Variants in MYRIP observed in about 807,000 individuals in gnomAD.
The protein encoded by MYRIP is rab effector MyRIP.
MYRIP carries 49 observed loss-of-function variants against 98.0 expected under a neutral mutation model. The ratio of observed to expected loss-of-function variants is 0.50; its 90% CI spans 0.40 to 0.63. The LOEUF is 0.63. MYRIP is among the 30% of genes least tolerant of loss of function. The pLI is 0.00. For missense variants in MYRIP, 1,004 were observed against 1,058.2 expected, an observed-to-expected ratio of 0.95 and a Z score of 0.71; for synonymous variants, 404 against 409.5, an observed-to-expected ratio of 0.99 and a Z score of 0.16.
intron 16 of MYRIP, among the ~76,000 whole-genome samples, chr3:40,255,696 G>C (rs1953564867): frequency 6.6e-6 from 1 of 152,158 alleles, no homozygotes; most frequent in African/African-American, 2.4e-5. Flanking sequence ...TTGGCAGATA[G>C]TAGAGCAACA....
At chr3:39,861,026 A>G (rs2125618108) in intron 1 of MYRIP, among the ~76,000 whole-genome samples, 1 of 152,388 alleles carries the variant, frequency 6.6e-6, no homozygotes, top group East Asian at 1.9e-4. Flanking sequence ...CTGCTGGCAC[A>G]TGTGAATGAG....
chr3:39,868,187 A>G lies in MYRIP; in HGVS notation c.-30-32600A>G, dbSNP rs539235512. On this transcript the variant is annotated intron_variant, in intron 1 of 16. Transcript: ENST00000302541. ...ACCTAAGCATGGGAGGTAGAAAGCA[A>G]TGGCTCTGTCCTGCTTCTCTGAGAA... 2.6e-5 allele frequency among the ~76,000 whole-genome samples: 4 copies of G among 152,322 alleles called. No homozygotes were observed. The East Asian group carries it at 5.8e-4, about 22-fold the overall frequency.
intron 3 of MYRIP, among the ~76,000 whole-genome samples, chr3:40,123,152 C>T (rs1949440621): frequency 6.6e-6 from 1 of 152,140 alleles, no homozygotes; most frequent in Admixed American, 6.5e-5. Context: ...AAGCAGCATG[C>T]AATATCAATA....
At chr3:39,877,139 C>T (rs1329104913) in intron 1 of MYRIP, among the ~76,000 whole-genome samples, 6 of 152,176 alleles carry the variant, frequency 3.9e-5, no homozygotes, top group Non-Finnish European at 5.9e-5. Context: ...CGCATCAGCT[C>T]CAGAGGCTTC....
intron 3 of MYRIP, among the ~76,000 whole-genome samples, chr3:40,084,136 C>CAAAAAAAAA (rs753167019): frequency 3.6e-5 from 2 of 55,072 alleles, no homozygotes; most frequent in African/African-American, 1.6e-4. Flanking sequence ...GACTCCATCT[C>CAAAAAAAAA]AAAAAAAAAA....
rs571933399 is a variant in MYRIP, at chr3:40,110,756, G to A, written c.333-40292G>A. On this transcript the variant is annotated intron_variant, in intron 3 of 16. Transcript: ENST00000302541. Reference sequence around the variant, plus strand: ...TTTATCACTCCACAGCTTCACTGCAGAAACACAGGCCACTCCTCTCCTCTC... The same window carrying A: ...TTTATCACTCCACAGCTTCACTGCAAAAACACAGGCCACTCCTCTCCTCTC... Among the ~76,000 whole-genome samples, 4 of 152,156 alleles carry A rather than the reference G, an allele frequency of 2.6e-5. No homozygotes were observed. In the East Asian group the frequency reaches 7.7e-4, roughly 29 times the overall value.
At chr3:39,868,984 T>C (rs1942705797) in intron 1 of MYRIP, among the ~76,000 whole-genome samples, 1 of 152,198 alleles carries the variant, frequency 6.6e-6, no homozygotes, top group Non-Finnish European at 1.5e-5. Flanking sequence ...GAATTGAAAA[T>C]ATTCTGTCTT....
chr3:40,185,745 C>G (rs1343246303), intron 9 of MYRIP, among the ~76,000 whole-genome samples: 1 of 152,062 alleles, frequency 6.6e-6, no homozygotes, highest in Admixed American at 6.5e-5. Context: ...TGTAGGGGAC[C>G]ACATTTATAA....
intron 3 of MYRIP, among the ~76,000 whole-genome samples, chr3:40,070,436 T>C (rs1023447973): frequency 6.6e-6 from 1 of 152,188 alleles, no homozygotes; most frequent in Non-Finnish European, 1.5e-5. Flanking sequence ...GTTCACCAAG[T>C]CACCTGTGAG....
intron 2 of MYRIP, among the ~76,000 whole-genome samples, chr3:39,926,035 G>T (rs1944416124): frequency 6.6e-6 from 1 of 152,080 alleles, no homozygotes; most frequent in Admixed American, 6.6e-5. Flanking sequence ...GCTGACTGAT[G>T]TGAGATGGTA....
chr3:40,114,798 T>C (rs2125904974), intron 3 of MYRIP, among the ~76,000 whole-genome samples: 1 of 152,366 alleles, frequency 6.6e-6, no homozygotes, highest in African/African-American at 2.4e-5. Flanking sequence ...TGTAAATCAA[T>C]ACAGCTCCCT....
chr3:40,225,745 G>A (rs1333556876), intron 11 of MYRIP, among the ~76,000 whole-genome samples: 2 of 152,100 alleles, frequency 1.3e-5, no homozygotes, highest in African/African-American at 2.4e-5. Context: ...TTAACTATGA[G>A]GTGCTTCCCT....
chr3:39,986,066 TA>T (rs1454153744), intron 2 of MYRIP, among the ~76,000 whole-genome samples: 1 of 152,152 alleles, frequency 6.6e-6, no homozygotes, highest in African/African-American at 2.4e-5. Context: ...TCATCTGACG[TA>T]AGGAAAGTTT....
intron 2 of MYRIP, among the ~76,000 whole-genome samples, chr3:39,977,584 G>A (rs1172881356): frequency 2.0e-5 from 3 of 152,132 alleles, no homozygotes; most frequent in Non-Finnish European, 4.4e-5. Flanking sequence ...AAAGTGCTTG[G>A]CATGGTAACT....
At chr3:39,847,216 T>A (rs1322695330) in intron 1 of MYRIP, among the ~76,000 whole-genome samples, 1 of 152,130 alleles carries the variant, frequency 6.6e-6, no homozygotes, top group East Asian at 1.9e-4. Flanking sequence ...GATAAAGATA[T>A]CCTGCATGCA....
At chr3:39,859,011 C>T (rs1159820883) in intron 1 of MYRIP, among the ~76,000 whole-genome samples, 1 of 147,696 alleles carries the variant, frequency 6.8e-6, no homozygotes, top group Non-Finnish European at 1.5e-5. Flanking sequence ...TGTTCAACAT[C>T]AACAGAAAGA....
chr3:40,144,584 T>G (rs1429716440), intron 3 of MYRIP, among the ~76,000 whole-genome samples: 6 of 152,226 alleles, frequency 3.9e-5, no homozygotes, highest in Non-Finnish European at 8.8e-5. Context: ...GGGCAGTGTG[T>G]GGAAGGAGGA....
intron 2 of MYRIP, among the ~76,000 whole-genome samples, chr3:39,938,862 G>A (rs1944717532): frequency 6.6e-6 from 1 of 152,108 alleles, no homozygotes; most frequent in Non-Finnish European, 1.5e-5. Flanking sequence ...AGAAAGCTAA[G>A]GCGTGGAGAG....
chr3:40,132,718 G>C lies in MYRIP; in HGVS notation c.333-18330G>C, dbSNP rs543577859. 9.3e-4 allele frequency among the ~76,000 whole-genome samples: 141 copies of C among 152,342 alleles called. 3 individuals carry two copies. In the South Asian group the frequency reaches 0.027, roughly 30 times the overall value. Reference sequence around the variant, plus strand: ...CAGCTTGGACATTAGCCACCCAGAGGGTTGCCCCTTTACCAGCTTTCCTCT... The same window carrying C: ...CAGCTTGGACATTAGCCACCCAGAGCGTTGCCCCTTTACCAGCTTTCCTCT... On this transcript the variant is annotated intron_variant, in intron 3 of 16. Coordinates refer to ENST00000302541, the MANE Select transcript of MYRIP (RefSeq NM_015460.4).
Sources: allele counts gnomAD v4.1 joint callset (sites outside exome capture counted in the v4.1 genomes callset), GRCh38; gene constraint gnomAD v4.1.1; transcripts MANE v1.5; gene names NCBI Gene and HGNC (gene_info 2026-07-23, HGNC 2026-07-21).